Variants in CEP112 observed in about 807,000 individuals in gnomAD.
The protein encoded by CEP112 is centrosomal protein 112, also known as centrosomal protein of 112 kDa.
In CEP112, 127 loss-of-function variants were observed where a neutral mutation model predicts 153.0. The observed-to-expected ratio is 0.83, with a 90% CI of 0.72 to 0.96. CEP112 has a LOEUF of 0.96. CEP112 is among the 40% of genes least tolerant of loss of function. The pLI is 0.00. For synonymous variants in CEP112, 358 were observed against 374.4 expected (o/e 0.96, Z 0.51); for missense variants, 1,089 against 1,101.2 (o/e 0.99, Z 0.16).
chr17:66,187,476 C>T (rs1291742889), intron 1 of CEP112, among the ~76,000 whole-genome samples: 1 of 152,162 alleles, frequency 6.6e-6, no homozygotes, highest in Non-Finnish European at 1.5e-5. Context: ...TATTTGACAT[C>T]TCCACAGCAT....
chr17:65,859,444 A>C (rs1043404482), intron 20 of CEP112, among the ~76,000 whole-genome samples: 6 of 150,924 alleles, frequency 4.0e-5, no homozygotes, highest in African/African-American at 1.5e-4. Context: ...CATCTCAAAA[A>C]AAAAAAAAAA....
chr17:65,718,742 T>A (rs1051799989), intron 23 of CEP112, among the ~76,000 whole-genome samples: 1 of 152,122 alleles, frequency 6.6e-6, no homozygotes, highest in African/African-American at 2.4e-5. Context: ...GAAAGGGAAA[T>A]CCAACATTGC....
intron 5 of CEP112, among the ~76,000 whole-genome samples, chr17:66,132,069 T>TGAGGCAG (rs1237882690): frequency 6.9e-6 from 1 of 145,814 alleles, no homozygotes; most frequent in African/African-American, 2.6e-5. Context: ...CTTGGGAGGC[T>TGAGGCAG]GAGGCAGGAG....
intron 17 of CEP112, among the ~76,000 whole-genome samples, chr17:65,963,542 A>T (rs2062292556): frequency 6.6e-6 from 1 of 152,154 alleles, no homozygotes; most frequent in African/African-American, 2.4e-5. Flanking sequence ...TCAAAGCTTA[A>T]GTGGTCAAAA....
chr17:65,822,979 T>G (rs987947173), intron 21 of CEP112, among the ~76,000 whole-genome samples: 6 of 152,094 alleles, frequency 3.9e-5, no homozygotes, highest in Admixed American at 3.9e-4. Flanking sequence ...GATAAAATCA[T>G]GATTCAATAT....
chr17:65,791,046 G>A (rs553592471), intron 21 of CEP112, among the ~76,000 whole-genome samples: 11 of 150,782 alleles, frequency 7.3e-5, no homozygotes, highest in Non-Finnish European at 1.6e-4. Context: ...GAATGGGGGG[G>A]AGGCTTAATC....
intron 24 of CEP112, among the ~76,000 whole-genome samples, chr17:65,671,407 G>A (rs765955212): frequency 6.6e-6 from 1 of 152,172 alleles, no homozygotes; most frequent in Non-Finnish European, 1.5e-5. Flanking sequence ...GGGTCAAAAA[G>A]TCTCTTTGTG....
chr17:66,011,199 T>C (rs1037713617), intron 16 of CEP112, among the ~76,000 whole-genome samples: 5 of 152,038 alleles, frequency 3.3e-5, no homozygotes, highest in African/African-American at 1.2e-4. Context: ...AGTATTCTTG[T>C]ATGGTTTTTC....
chr17:66,164,881 CATATAT>C lies in CEP112; in HGVS notation c.470+10157_470+10162del, dbSNP rs562782825. On this transcript the variant is annotated intron_variant, in intron 4 of 26. Transcript: ENST00000535342. The stretch of plus-strand genomic sequence containing the variant: ...AAAAAAATATATATATATATACACA[CATATAT>C]GTGTGTGTGTGTGTGTGTGTGTGTG... Among the ~76,000 whole-genome samples, 413 of 114,514 alleles carry C rather than the reference CATATAT, an allele frequency of 3.6e-3. 2 individuals carry two copies. Among genetic ancestry groups the C allele is most frequent in the African/African-American group, 0.013 (386 of 29,670 alleles). 75.1% of individuals were successfully genotyped at this position (114,514 alleles called of 152,430 possible).
chr17:66,010,938 G>C (rs12947859), intron 16 of CEP112, among the ~76,000 whole-genome samples: 62,445 of 151,912 alleles, frequency 0.41, 14,301 homozygotes, highest in East Asian at 0.87. Context: ...TCGTGTCTCT[G>C]TAAGGTTTTG....
At chr17:65,836,765 C>T (rs566747833) in intron 21 of CEP112, among the ~76,000 whole-genome samples, 1 of 152,224 alleles carries the variant, frequency 6.6e-6, no homozygotes, top group South Asian at 2.1e-4. Flanking sequence ...GTAAACTGTC[C>T]TCTAGACCAA....
intron 21 of CEP112, chr17:65,826,440 G>T (rs2056844290): frequency 1.3e-6 from 2 of 1,544,432 alleles, no homozygotes; most frequent in African/African-American, 1.4e-5. Context: ...GGCCCAGAGG[G>T]TTAGAGTGTC....
chr17:66,043,388 A>G (rs1356771066), intron 12 of CEP112, among the ~76,000 whole-genome samples: 2 of 152,064 alleles, frequency 1.3e-5, no homozygotes, highest in East Asian at 3.9e-4. Flanking sequence ...ATTTAGAAGC[A>G]TATGTATTAC....
At chr17:65,740,059 CT>C (rs1249156587) in intron 23 of CEP112, among the ~76,000 whole-genome samples, 2 of 152,108 alleles carry the variant, frequency 1.3e-5, no homozygotes, top group Non-Finnish European at 2.9e-5. Flanking sequence ...TAACTGTAGT[CT>C]TTTTTTCTCT....
chr17:65,784,652 T>C (rs2054176631), intron 21 of CEP112, among the ~76,000 whole-genome samples: 1 of 152,168 alleles, frequency 6.6e-6, no homozygotes, highest in Non-Finnish European at 1.5e-5. Context: ...GGCAAATTTT[T>C]GTATTTTTAG....
intron 20 of CEP112, among the ~76,000 whole-genome samples, chr17:65,860,922 C>T (rs2146390887): frequency 6.6e-6 from 1 of 152,212 alleles, no homozygotes; most frequent in South Asian, 2.1e-4. Flanking sequence ...TATTATTCAG[C>T]AATAAAGAGA....
intron 2 of CEP112, among the ~76,000 whole-genome samples, chr17:66,181,656 C>T (rs1051517980): frequency 2.6e-5 from 4 of 152,004 alleles, no homozygotes; most frequent in Non-Finnish European, 5.9e-5. Context: ...CGCTTGGCCC[C>T]TAAAATCTTT....
At chr17:65,686,247 G>A (rs1022646680) in intron 24 of CEP112, among the ~76,000 whole-genome samples, 5 of 150,852 alleles carry the variant, frequency 3.3e-5, no homozygotes, top group African/African-American at 1.2e-4. Context: ...GTAAACTGTA[G>A]CCTAATAGAA....
At chr17:65,800,474 T>C (rs1327993079) in intron 21 of CEP112, among the ~76,000 whole-genome samples, 1 of 152,230 alleles carries the variant, frequency 6.6e-6, no homozygotes, top group Non-Finnish European at 1.5e-5. Flanking sequence ...ATCTTTCATT[T>C]TATGGATATA....
Sources: allele counts gnomAD v4.1 joint callset (sites outside exome capture counted in the v4.1 genomes callset), GRCh38; gene constraint gnomAD v4.1.1; transcripts MANE v1.5; gene names NCBI Gene and HGNC (gene_info 2026-07-23, HGNC 2026-07-21).